ALMS1: variants seen among roughly 807,000 people sequenced by gnomAD.
The protein encoded by ALMS1 is ALMS1 centrosome and basal body associated protein.
Under a neutral mutation model 352.2 loss-of-function variants are expected in ALMS1, and 271 were observed. The ratio of observed to expected loss-of-function variants is 0.77; its 90% CI spans 0.70 to 0.85. ALMS1 has a LOEUF of 0.85. Among genes scored for constraint, ALMS1 ranks in the 40% least tolerant of loss-of-function variants. ALMS1 has a pLI of 0.00. For missense variants in ALMS1, 5,445 were observed against 4,870.7 expected, an observed-to-expected ratio of 1.12 and a Z score of -3.51; for synonymous variants, 1,865 against 1,761.2, an observed-to-expected ratio of 1.06 and a Z score of -1.48.
intron 16 of ALMS1, among the ~76,000 whole-genome samples, chr2:73,579,750 T>C (rs1436017350): frequency 1.3e-5 from 2 of 152,212 alleles, no homozygotes; most frequent in Non-Finnish European, 2.9e-5. Context: ...AATTAGCAAT[T>C]AATTTTACCG....
chr2:73,480,357 A>T (rs1459266840), intron 9 of ALMS1, among the ~76,000 whole-genome samples: 2 of 152,078 alleles, frequency 1.3e-5, no homozygotes, highest in African/African-American at 4.8e-5. Flanking sequence ...TAGTTTACTG[A>T]GAATGATGAT....
intron 1 of ALMS1, among the ~76,000 whole-genome samples, chr2:73,395,079 T>TC (rs1491525344): frequency 1.2e-5 from 1 of 84,330 alleles, no homozygotes; most frequent in African/African-American, 8.9e-5. Flanking sequence ...TATATATATA[T>TC]TTTTTTTTTT....
chr2:73,551,908 G>GC (rs1674444529), intron 13 of ALMS1, among the ~76,000 whole-genome samples: 1 of 152,092 alleles, frequency 6.6e-6, no homozygotes, highest in South Asian at 2.1e-4. Flanking sequence ...ATAACTATTA[G>GC]CTAAATAGGT....
At chr2:73,580,163 C>T (rs896601048) in intron 16 of ALMS1, among the ~76,000 whole-genome samples, 4 of 152,154 alleles carry the variant, frequency 2.6e-5, no homozygotes, top group Admixed American at 1.3e-4. Context: ...ACTGCGGCGT[C>T]GAACTCTGGG....
At chr2:73,558,571 A>T (rs1674591787) in intron 14 of ALMS1, among the ~76,000 whole-genome samples, 1 of 152,148 alleles carries the variant, frequency 6.6e-6, no homozygotes, top group Non-Finnish European at 1.5e-5. Context: ...CTATAATCAA[A>T]TGCTATATAC....
In ALMS1 at chr2:73,449,839, T is replaced by A. The variant is rs2103778429; in HGVS notation, c.3312T>A (p.Gly1104=). Residue 1104 remains glycine (G), a synonymous_variant, in exon 8 of 23, where the codon GGT becomes GGA. Coordinates refer to ENST00000613296, the MANE Select transcript of ALMS1 (RefSeq NM_001378454.1). ...TCTACTCACAAAGAGAGAAGCCTGG[T>A]ATTTTCTACCAACAGACCTTGCCAG... ...STFYSQREKP[G]IFYQQTLPES... The A allele has an allele frequency of 6.2e-7, 1 of 1,614,050 alleles. No homozygotes were observed. The highest frequency in any genetic ancestry group is 2.2e-5 in the East Asian group (1 of 44,872).
intron 9 of ALMS1, chr2:73,459,045 A>T (rs1277518167): frequency 6.6e-6 from 1 of 152,036 alleles, no homozygotes; most frequent in Non-Finnish European, 1.5e-5. Context: ...AAATTACTTC[A>T]GTGTTTGTCA....
At chr2:73,405,739 T>C (rs1218305312) in intron 1 of ALMS1, among the ~76,000 whole-genome samples, 7 of 152,152 alleles carry the variant, frequency 4.6e-5, no homozygotes, top group African/African-American at 1.7e-4. Context: ...TTTGCTACAT[T>C]CAATAAGCTT....
intron 9 of ALMS1, among the ~76,000 whole-genome samples, chr2:73,465,524 CTG>C (rs1672316423): frequency 6.6e-6 from 1 of 152,170 alleles, no homozygotes; most frequent in African/African-American, 2.4e-5. Context: ...AGTCCGAAAA[CTG>C]TGAAAACCCT....
At position 73,602,232 on chromosome 2, in the gene ALMS1, G is replaced by A. The variant is rs1675710321; in HGVS notation, c.12162G>A (p.Glu4054=). 6.2e-7 allele frequency: 1 copy of A among 1,614,184 alleles called. No homozygotes were observed. The highest frequency in any genetic ancestry group is 8.5e-7 in the Non-Finnish European group (1 of 1,180,022). ...CTGACTTCATCTCCCGCTCTGGGGAGCGGATAAAGCGCCTGAAGTTAATAG... is the reference window on the plus strand; with the variant it reads ...CTGACTTCATCTCCCGCTCTGGGGAACGGATAAAGCGCCTGAAGTTAATAG... ...HRPDFISRSG[E]RIKRLKLIVQ... Residue 4054 remains glutamate (E), a synonymous_variant, in exon 20 of 23, where the codon GAG becomes GAA. Transcript: ENST00000613296.
intron 13 of ALMS1, among the ~76,000 whole-genome samples, chr2:73,551,190 C>T (rs2104037913): frequency 6.6e-6 from 1 of 152,128 alleles, no homozygotes; most frequent in South Asian, 2.1e-4. Flanking sequence ...TAAAATTTTC[C>T]ACCAACATTC....
chr2:73,592,031 T>C (rs1267413479), intron 16 of ALMS1, among the ~76,000 whole-genome samples: 1 of 152,240 alleles, frequency 6.6e-6, no homozygotes, highest in Admixed American at 6.5e-5. Context: ...GTAATGATCA[T>C]TGACTGTAAT....
rs759021934 is a variant in ALMS1 at position 73,448,106 on chromosome 2, G to C, written c.1579G>C (p.Glu527Gln). 2.5e-6 allele frequency: 4 copies of C among 1,602,088 alleles called. No individual in the cohort carries two copies. In the South Asian group the frequency reaches 4.4e-5, roughly 18 times the overall value. Residue 527 changes from glutamate to glutamine, a missense_variant, in exon 8 of 23, where the codon GAA (glutamate) becomes CAA (glutamine). Coordinates refer to ENST00000613296, the MANE Select transcript of ALMS1 (RefSeq NM_001378454.1). ...TCAGTTGGCTGTAAGTTCTCCTCTAGAAACTACTACTGGTCAACACACTGA... is the reference window on the plus strand; with the variant it reads ...TCAGTTGGCTGTAAGTTCTCCTCTACAAACTACTACTGGTCAACACACTGA... ...LSQLAVSSPL[E>Q]TTTGQHTDTL...
intron 10 of ALMS1, among the ~76,000 whole-genome samples, chr2:73,496,000 A>T (rs1008374187): frequency 6.6e-6 from 1 of 152,224 alleles, no homozygotes; most frequent in Non-Finnish European, 1.5e-5. Context: ...GCTGTTTGCT[A>T]AAGTTTCTTA....
chr2:73,413,331 T>G (rs991858748), intron 2 of ALMS1, among the ~76,000 whole-genome samples: 1 of 152,218 alleles, frequency 6.6e-6, no homozygotes, highest in African/African-American at 2.4e-5. Context: ...TTATTGATTT[T>G]TTTTCCTTTT....
intron 9 of ALMS1, among the ~76,000 whole-genome samples, chr2:73,483,830 G>A (rs1313634375): frequency 6.9e-6 from 1 of 145,758 alleles, no homozygotes; most frequent in East Asian, 2.0e-4. Context: ...TTATGTAATG[G>A]CCTTCTTTGT....
At chr2:73,395,392 T>C (rs1336271921) in intron 1 of ALMS1, among the ~76,000 whole-genome samples, 2 of 152,092 alleles carry the variant, frequency 1.3e-5, no homozygotes, top group Admixed American at 1.3e-4. Context: ...ATTATAATCT[T>C]ATAGGACCAC....
chr2:73,518,884 T>C (rs1169772889), intron 10 of ALMS1, among the ~76,000 whole-genome samples: 1 of 152,242 alleles, frequency 6.6e-6, no homozygotes, highest in African/African-American at 2.4e-5. Flanking sequence ...CTGTTTGCTC[T>C]GTTGATAATT....
intron 9 of ALMS1, among the ~76,000 whole-genome samples, chr2:73,460,610 G>A (rs972535284): frequency 1.3e-5 from 2 of 152,278 alleles, no homozygotes; most frequent in African/African-American, 4.8e-5. Context: ...TGGGTGCAGC[G>A]CACCATTCAC....
Sources: allele counts gnomAD v4.1 joint callset (sites outside exome capture counted in the v4.1 genomes callset), GRCh38; gene constraint gnomAD v4.1.1; transcripts MANE v1.5; gene names NCBI Gene and HGNC (gene_info 2026-07-23, HGNC 2026-07-21).